POLE: variants seen among roughly 807,000 people sequenced by gnomAD.
POLE encodes DNA polymerase epsilon catalytic subunit A.
Under a neutral mutation model 279.2 loss-of-function variants are expected in POLE, and 188 were observed. The ratio of observed to expected loss-of-function variants is 0.67; its 90% CI spans 0.60 to 0.76. The LOEUF is 0.76. Ranked by LOEUF, POLE falls within the 30% of genes least tolerant of loss-of-function variation. The pLI is 0.00. For synonymous variants in POLE, 1,214 were observed against 1,172.5 expected, an observed-to-expected ratio of 1.04 and a Z score of -0.72; for missense variants, 2,703 against 3,016.7, an observed-to-expected ratio of 0.90 and a Z score of 2.44.
intron 45 of POLE, among the ~76,000 whole-genome samples, chr12:132,628,763 G>A (rs2041883154): frequency 6.6e-6 from 1 of 152,192 alleles, no homozygotes; most frequent in Non-Finnish European, 1.5e-5. Flanking sequence ...CAGCAACTTG[G>A]TCACATCTTC....
At chr12:132,647,368 A>T (rs2042309478) in intron 32 of POLE, among the ~76,000 whole-genome samples, 1 of 152,160 alleles carries the variant, frequency 6.6e-6, no homozygotes, top group East Asian at 1.9e-4. Context: ...GAGAGGAAAA[A>T]TGAAAGGAAT....
At position 132,641,796 on chromosome 12, in the gene POLE, G is replaced by A; in HGVS notation, c.5229C>T (p.His1743=). The A allele has an allele frequency of 6.2e-7, 1 of 1,606,124 alleles. No homozygotes were observed. Residue 1743 remains histidine, a synonymous_variant, in exon 39 of 49, where the codon CAC becomes CAT. Transcript: ENST00000320574. ...NLAVNTILQS[H]HVNDMEGADS... ...CGGCCCCCTCCATGTCGTTGACATG[G>A]TGAGACTGGAGAATGGTGTTGACGG...
rs762506074 is a variant in POLE at position 132,679,606 on chromosome 12, A to G, written c.469T>C (p.Phe157Leu). 2 of 1,613,532 alleles carry G rather than the reference A, an allele frequency of 1.2e-6. No homozygotes were observed. Among genetic ancestry groups the G allele is most frequent in the Middle Eastern group, 1.6e-4 (1 of 6,062 alleles). The part of the protein sequence containing the change: ...GLKRNYIRLS[F>L]HTVEDLVKVR... ...TTGACAAGATCCTCCACAGTGTGGA[A>G]GGACAGCCTGATGTAATTTCGCTTC... The change falls in exon 6 of 49, where the codon TTC becomes CTC. Residue 157 changes from phenylalanine (F) to leucine (L), a missense_variant. Coordinates refer to ENST00000320574, the MANE Select transcript of POLE (RefSeq NM_006231.4).
chr12:132,638,229 A>G, intron 40 of POLE, 90 bp from the exon 41 acceptor site: 1 of 1,254,164 alleles, frequency 8.0e-7, no homozygotes, highest in Non-Finnish European at 1.1e-6. Context: ...AAAAGAGCTG[A>G]GGGTCCTGAA....
At chr12:132,649,282 C>T (rs2042360619) in intron 31 of POLE, 24 bp downstream of exon 31, 2 of 1,606,526 alleles carry the variant, frequency 1.2e-6, no homozygotes, top group Non-Finnish European at 1.7e-6. Flanking sequence ...AGCCACTGCC[C>T]TCCCCTTGGA....
rs878854851 is a variant in POLE, at chr12:132,665,411, C to T, written c.2359G>A (p.Asp787Asn). Residue 787 changes from aspartate (D) to asparagine (N), a missense_variant, in exon 21 of 49, where the codon GAC becomes AAC. Asp to Asn is a conservative substitution (Grantham distance 23). Around this residue, in one of 5 missense-constraint regions of POLE, gnomAD observed 1,011 missense variants for 1,111.7 expected, o/e 0.91. Coordinates refer to ENST00000320574, the MANE Select transcript of POLE (RefSeq NM_006231.4). ...KKLSAAVEVG[D>N]AAEVKRCKNM... ...TTGCAGCGCTTCACCTCAGCCGCGT[C>T]GCCCACCTCCACGGCCGCCGAGAGC... 1.2e-6 allele frequency: 2 copies of T among 1,613,178 alleles called. No individual in the cohort carries two copies.
intron 16 of POLE, 76 bp from the exon 17 acceptor site, chr12:132,669,015 C>A (rs2042864478): frequency 6.9e-7 from 1 of 1,441,650 alleles, no homozygotes; most frequent in Non-Finnish European, 9.4e-7. Flanking sequence ...CCCTTTTAGA[C>A]ATTCAGGAGA....
chr12:132,665,567 A>C (rs1241380628), intron 20 of POLE, 117 bp from the exon 21 acceptor site: 10 of 1,160,398 alleles, frequency 8.6e-6, no homozygotes, highest in Non-Finnish European at 1.1e-5. Flanking sequence ...AAACCTAAAA[A>C]ACCAGTACAA....
rs556006049 is a variant in POLE at position 132,636,947 on chromosome 12, A to G, written c.5679-923T>C. 5.3e-5 allele frequency among the ~76,000 whole-genome samples: 8 copies of G among 152,322 alleles called. No homozygotes were observed. The East Asian group carries it at 1.5e-3, about 29-fold the overall frequency. On this transcript the variant is annotated intron_variant, in intron 41 of 48. Transcript: ENST00000320574. ...GAATAGCAGCCTGTTTCTCGACATG[A>G]GCAACCCCGGCCTCCTCAGGTACAG...
At chr12:132,674,979 G>A (rs1024469643) in intron 12 of POLE, among the ~76,000 whole-genome samples, 5 of 151,790 alleles carry the variant, frequency 3.3e-5, no homozygotes, top group African/African-American at 7.3e-5. Context: ...CCCGAACGCC[G>A]TGACTCTCCG....
At position 132,676,553 on chromosome 12, in the gene POLE, T is replaced by C. The variant is rs1060500828; in HGVS notation, c.902A>G (p.Asp301Gly). The stretch of plus-strand genomic sequence containing the variant: ...CAGAAGCCACCTGCTCACCTGGCCA[T>C]CGATCATGTAGGAAATCATCATAAT... ...DQIMMISYMIDGQGYLITNRE... is the reference protein window; with the variant it reads ...DQIMMISYMIGGQGYLITNRE... Residue 301 changes from aspartate (D) to glycine (G), a missense_variant, in exon 9 of 49, where the codon GAT becomes GGT. Coordinates refer to ENST00000320574, the MANE Select transcript of POLE (RefSeq NM_006231.4). 7 of 1,610,250 alleles carry C rather than the reference T, an allele frequency of 4.3e-6. No homozygotes were observed. The highest frequency in any genetic ancestry group is 5.9e-6 in the Non-Finnish European group (7 of 1,176,554).
chr12:132,626,990 T>C (rs767431965), intron 45 of POLE, among the ~76,000 whole-genome samples: 4 of 152,218 alleles, frequency 2.6e-5, no homozygotes, highest in Non-Finnish European at 5.9e-5. Flanking sequence ...TCAGTACATA[T>C]AAAAGTTACG....
rs774280853 is a variant in POLE, at chr12:132,681,258, T to A, written c.84A>T (p.Ser28=). 4 of 1,614,076 alleles carry A rather than the reference T, an allele frequency of 2.5e-6. No individual in the cohort carries two copies. In the East Asian group the frequency reaches 6.7e-5, roughly 27 times the overall value. Residue 28 remains serine, a synonymous_variant, in exon 2 of 49, where the codon TCA becomes TCT. Transcript: ENST00000320574. ...GTTCCAGGCGCTTGAGTGCCGAAAC[T>A]GAGGAAGTGGCGCCATCATCCCTGA... is the stretch of plus-strand genomic sequence containing the variant. ...EASRDDGATS[S]VSALKRLERS... is the part of the protein sequence containing the mutation.
At chr12:132,637,764 A>G (rs1428010600) in intron 41 of POLE, among the ~76,000 whole-genome samples, 1 of 152,228 alleles carries the variant, frequency 6.6e-6, no homozygotes, top group African/African-American at 2.4e-5. Context: ...TCACTGTGGA[A>G]CCTTCTTAGC....
rs2042846526 is a variant in POLE at position 132,668,464 on chromosome 12, G to A, written c.2065C>T (p.Gln689Ter). Residue 689 changes from glutamine to a stop codon, truncating the protein, a stop_gained, in exon 19 of 49, where the codon CAG (glutamine) becomes TAG (stop). Coordinates refer to ENST00000320574, the MANE Select transcript of POLE (RefSeq NM_006231.4). LOFTEE classifies it high-confidence loss of function. The surrounding 1 kb of genome is among the most constrained non-coding windows in gnomAD (Gnocchi z 4.0). ...GGGGGGAACTTCTCTGACTCCAGCT[G>A]GTGCTGGATCCGATGGTATTCGCTG... Reference protein sequence around the residue: ...SRSEYHRIQHQLESEKFPPLF... With the variant: ...SRSEYHRIQH 1 of 1,610,374 alleles carries A rather than the reference G, an allele frequency of 6.2e-7. No individual in the cohort carries two copies. The highest frequency in any genetic ancestry group is 8.5e-7 in the Non-Finnish European group (1 of 1,178,106).
rs2043159614 is a variant in POLE at position 132,681,191 on chromosome 12, C to T, written c.151G>A (p.Glu51Lys). Residue 51 changes from glutamate (E) to lysine (K), a missense_variant, in exon 2 of 49, where the codon GAG becomes AAG. Glu to Lys is a moderately conservative substitution (Grantham distance 56). Transcript: ENST00000320574. ...TDKMDLRFGF[E>K]RLKEPGEKTG... ...TTCTCACCAGGCTCCTTCAGCCGCT[C>T]AAAACCAAACCGCAAATCCATCTTA... 1 of 1,614,168 alleles carries T rather than the reference C, an allele frequency of 6.2e-7. No individual in the cohort carries two copies. Among genetic ancestry groups the T allele is most frequent in the South Asian group, 1.1e-5 (1 of 91,080 alleles).
In POLE at chr12:132,657,388, G is replaced by A. The variant is rs552354578; in HGVS notation, c.3420C>T (p.Ala1140=). Residue 1140 remains alanine, a synonymous_variant, in exon 28 of 49, where the codon GCC becomes GCT. Transcript: ENST00000320574. ...CAGGGATGGTGATGATCTTCTGGAT[G>A]GCGCTTCCCAGCCGCTCAATGTAGT... is the stretch of plus-strand genomic sequence containing the variant. ...WDYYIERLGS[A]IQKIITIPAA... The A allele has an allele frequency of 1.5e-5, 24 of 1,614,082 alleles. No individual in the cohort carries two copies. The highest frequency in any genetic ancestry group is 1.9e-5 in the Non-Finnish European group (23 of 1,179,998).
At position 132,649,769 on chromosome 12, in the gene POLE, G is replaced by A. The variant is rs2042379665; in HGVS notation, c.3703C>T (p.Leu1235Phe). 1 of 1,614,192 alleles carries A rather than the reference G, an allele frequency of 6.2e-7. No homozygotes were observed. The highest frequency in any genetic ancestry group is 1.3e-5 in the African/African-American group (1 of 75,046). Residue 1235 changes from leucine to phenylalanine, a missense_variant, in exon 30 of 49, where the codon CTT (leucine) becomes TTT (phenylalanine). Leu to Phe is a conservative substitution (Grantham distance 22). This residue lies in a region of POLE where 1,551 missense variants were observed against 1,686.1 expected (regional missense o/e 0.92). Transcript: ENST00000320574. ...TGGGACTCCTCCTGGCTCTCCCAAA[G>A]AACTCGCTTCCTCTTCACAGTGACA... ...APVTVKRKRV[L>F]WESQEESQDL...
Position 132,677,776 on chromosome 12 carries a change from C to T in POLE, c.579-57G>A, listed in dbSNP as rs545339905. 60 of 1,549,114 alleles carry T rather than the reference C, an allele frequency of 3.9e-5. No individual in the cohort carries two copies. In the South Asian group the frequency reaches 6.7e-4, roughly 17 times the overall value. ...CTGCCAGGGTCTGGAGGAGGTGAGACCAGAGTTCCAACTCAGTAGGAAGAG... is the reference window on the plus strand; with the variant it reads ...CTGCCAGGGTCTGGAGGAGGTGAGATCAGAGTTCCAACTCAGTAGGAAGAG... On this transcript the variant is annotated intron_variant, in intron 6 of 48. Transcript: ENST00000320574.
Sources: gnomAD v4.1 joint callset for allele counts (sites outside exome capture counted in the v4.1 genomes callset) on GRCh38, gnomAD v4.1.1 for gene constraint, gnomAD v4.1.1 regional missense constraint, Gnocchi (gnomAD v3.1) non-coding constraint, MANE v1.5 for transcripts, NCBI Gene and HGNC (gene_info 2026-07-23, HGNC 2026-07-21) for gene names.